The following XYLT1 variants were observed in gnomAD, a reference collection of about 807,000 sequenced individuals.
XYLT1 encodes the protein beta-D-xylosyltransferase 1.
Under a neutral mutation model 91.3 loss-of-function variants are expected in XYLT1, and 36 were observed. The observed-to-expected ratio is 0.39, with a 90% confidence interval of 0.30 to 0.52. The LOEUF (loss-of-function observed/expected upper bound fraction) is 0.52, where lower values mean the gene tolerates loss of function less well. XYLT1 is among the 20% of genes least tolerant of loss of function. The pLI is 0.68. For synonymous variants in XYLT1, 588 were observed against 532.0 expected (o/e 1.11, Z -1.45); for missense variants, 1,242 against 1,284.5 (o/e 0.97, Z 0.51).
At chr16:17,264,474 G>A (rs761953594) in intron 2 of XYLT1, among the ~76,000 whole-genome samples, 15 of 152,140 alleles carry the variant, frequency 9.9e-5, no homozygotes, top group Non-Finnish European at 2.1e-4. Flanking sequence ...AGCCATCCAA[G>A]GATGGACATG....
Position 17,338,313 on chromosome 16 carries a change from T to C in XYLT1, c.402+19699A>G, listed in dbSNP as rs1159384538. 1.5e-5 allele frequency: 7 copies of C among 456,366 alleles called. No homozygotes were observed. The Admixed American group carries it at 1.6e-4, about 11-fold the overall frequency. 28.3% of individuals were successfully genotyped at this position (456,366 alleles called of 1,614,324 possible). On this transcript the variant is annotated intron_variant, in intron 2 of 11. Coordinates refer to ENST00000261381, the MANE Select transcript of XYLT1 (RefSeq NM_022166.4). ...CAGTGGCTCCCCATTACCTACACGA[T>C]ACATCTGAAGCTCCCTGATGTGGTC...
intron 1 of XYLT1, among the ~76,000 whole-genome samples, chr16:17,439,588 A>G (rs1170982734): frequency 6.6e-6 from 1 of 152,222 alleles, no homozygotes; most frequent in South Asian, 2.1e-4. Flanking sequence ...CCCTAAACAG[A>G]AGATAATGTG....
chr16:17,276,171 T>C (rs2033970571), intron 2 of XYLT1, among the ~76,000 whole-genome samples: 1 of 152,212 alleles, frequency 6.6e-6, no homozygotes, highest in African/African-American at 2.4e-5. Flanking sequence ...CAAATGAATA[T>C]GCTGCTGTCA....
At chr16:17,338,258 G>C in intron 2 of XYLT1, 1 of 456,392 alleles carries the variant, frequency 2.2e-6, no homozygotes, top group South Asian at 1.5e-5. Context: ...ACTGATCTTG[G>C]ACCATGCTCT....
At chr16:17,291,486 G>A (rs561016919) in intron 2 of XYLT1, among the ~76,000 whole-genome samples, 1 of 152,314 alleles carries the variant, frequency 6.6e-6, no homozygotes, top group Admixed American at 6.5e-5. Flanking sequence ...GATCCTGTGT[G>A]TCCAGCCCAG....
At chr16:17,309,752 C>T (rs1045014401) in intron 2 of XYLT1, among the ~76,000 whole-genome samples, 1 of 152,182 alleles carries the variant, frequency 6.6e-6, no homozygotes, top group Non-Finnish European at 1.5e-5. Context: ...TGGTTTAATG[C>T]CTTTATTTTG....
At chr16:17,460,016 A>G (rs1040830112) in intron 1 of XYLT1, among the ~76,000 whole-genome samples, 5 of 152,194 alleles carry the variant, frequency 3.3e-5, no homozygotes, top group African/African-American at 1.2e-4. Flanking sequence ...CTGAGCTTCA[A>G]AGCACTTTCT....
chr16:17,272,053 C>T (rs907477709), intron 2 of XYLT1, among the ~76,000 whole-genome samples: 1 of 151,650 alleles, frequency 6.6e-6, no homozygotes, highest in African/African-American at 2.4e-5. Flanking sequence ...TTAGGGTTCC[C>T]GCTAGGGAAG....
At chr16:17,305,647 C>T (rs1254866255) in intron 2 of XYLT1, among the ~76,000 whole-genome samples, 1 of 151,990 alleles carries the variant, frequency 6.6e-6, no homozygotes, top group African/African-American at 2.4e-5. Flanking sequence ...ATCTCCTGAC[C>T]TCATGATCCC....
intron 1 of XYLT1, among the ~76,000 whole-genome samples, chr16:17,373,473 C>T (rs2035561074): frequency 6.6e-6 from 1 of 152,234 alleles, no homozygotes; most frequent in African/African-American, 2.4e-5. Context: ...GTGAATAAAA[C>T]AAAGTTACCG....
chr16:17,296,059 C>T (rs1021448426), intron 2 of XYLT1, among the ~76,000 whole-genome samples: 5 of 148,560 alleles, frequency 3.4e-5, no homozygotes, highest in Non-Finnish European at 5.9e-5. Flanking sequence ...TTTTTTCTCC[C>T]TGCGCCAAAA....
chr16:17,329,620 A>G (rs145987084), intron 2 of XYLT1, among the ~76,000 whole-genome samples: 75 of 152,322 alleles, frequency 4.9e-4, no homozygotes, highest in Non-Finnish European at 9.4e-4. Context: ...TAAGGAAATA[A>G]ACACTCATGG....
At chr16:17,158,504 G>T (rs2031469511) in intron 6 of XYLT1, among the ~76,000 whole-genome samples, 1 of 152,218 alleles carries the variant, frequency 6.6e-6, no homozygotes, top group Admixed American at 6.5e-5. Flanking sequence ...ATGGGCCTCA[G>T]TCTTCCCATC....
At chr16:17,175,704 C>G (rs1039905903) in intron 5 of XYLT1, among the ~76,000 whole-genome samples, 1 of 152,206 alleles carries the variant, frequency 6.6e-6, no homozygotes, top group Non-Finnish European at 1.5e-5. Context: ...AGACCTTCCC[C>G]CAGGCTGCAT....
At chr16:17,357,059 C>T (rs933880470) in intron 2 of XYLT1, among the ~76,000 whole-genome samples, 1 of 151,040 alleles carries the variant, frequency 6.6e-6, no homozygotes, top group African/African-American at 2.4e-5. Flanking sequence ...CGCCTGTAGT[C>T]CCAGCTGCTG....
Position 17,103,522 on chromosome 16 carries a change from A to G in XYLT1, c.*5173T>C, listed in dbSNP as rs1966734987. On this transcript the variant is annotated 3_prime_UTR_variant, in exon 12 of 12. Coordinates refer to ENST00000261381, the MANE Select transcript of XYLT1 (RefSeq NM_022166.4). ...GCTGTCTTCTCTGATGTTGGTGGAG[A>G]TGGGAGGGAAAGGATGGATGGTCAG... 6.6e-6 allele frequency: 1 copy of G among 152,126 alleles called. No individual in the cohort carries two copies. 9.4% of individuals were successfully genotyped at this position (152,126 alleles called of 1,614,324 possible). A position where few individuals can be genotyped will look rare whatever the true frequency, so the allele number is the denominator to read the frequency against.
chr16:17,326,656 T>C (rs1316508508), intron 2 of XYLT1, among the ~76,000 whole-genome samples: 1 of 151,862 alleles, frequency 6.6e-6, no homozygotes, highest in Non-Finnish European at 1.5e-5. Flanking sequence ...ACCCCTTATC[T>C]ATTAAAAAAT....
Position 17,112,750 on chromosome 16 carries a change from C to T in XYLT1, c.2558-3733G>A, listed in dbSNP as rs189360807. On this transcript the variant is annotated intron_variant, in intron 11 of 11. Coordinates refer to ENST00000261381, the MANE Select transcript of XYLT1 (RefSeq NM_022166.4). ...GGGAAGAAGGAGCAGGCTTCCAGCTCAAGAAAACATGAGGTCTCTGTCTTT... is the reference window on the plus strand; with the variant it reads ...GGGAAGAAGGAGCAGGCTTCCAGCTTAAGAAAACATGAGGTCTCTGTCTTT... 5.9e-3 allele frequency among the ~76,000 whole-genome samples: 897 copies of T among 152,280 alleles called. 11 individuals are homozygous for T. Among genetic ancestry groups the T allele is most frequent in the African/African-American group, 0.02 (838 of 41,562 alleles).
Position 17,106,173 on chromosome 16 carries a change from G to C in XYLT1, c.*2522C>G, listed in dbSNP as rs1966771240. On this transcript the variant is annotated 3_prime_UTR_variant, in exon 12 of 12. Transcript: ENST00000261381. ...GGCAGACATGTTAGTGGGTGCAGGA[G>C]GGGCCCCATCTTGAAGTCTGCAGGT... 6.6e-6 allele frequency: 1 copy of C among 152,222 alleles called. No individual in the cohort carries two copies. Among genetic ancestry groups the C allele is most frequent in the Non-Finnish European group, 1.5e-5 (1 of 68,064 alleles). The allele number at this position is 152,222 out of a possible 1,614,324, so 9.4% of individuals were successfully genotyped here.
Sources: allele counts gnomAD v4.1 joint callset (sites outside exome capture counted in the v4.1 genomes callset), GRCh38; gene constraint gnomAD v4.1.1; transcripts MANE v1.5; gene names NCBI Gene and HGNC (gene_info 2026-07-23, HGNC 2026-07-21).